Variants in SAMD11 observed in about 807,000 individuals in gnomAD.
The protein encoded by SAMD11 is sterile alpha motif domain containing 11.
In SAMD11, 77 loss-of-function variants were observed where a neutral mutation model predicts 64.4. That is an observed-to-expected ratio of 1.20 (90% CI 0.99 to 1.44). SAMD11 has a LOEUF of 1.44. Among genes scored for constraint, SAMD11 ranks in the 40% most tolerant of loss-of-function variants. SAMD11 has a pLI of 0.00. For missense variants in SAMD11, 1,402 were observed against 943.3 expected (o/e 1.49, Z -6.37); for synonymous variants, 658 against 421.9 (o/e 1.56, Z -6.86).
At chr1:928,623 G>C (rs1489561576) in intron 2 of SAMD11, among the ~76,000 whole-genome samples, 2 of 152,236 alleles carry the variant, frequency 1.3e-5, no homozygotes, top group Admixed American at 1.3e-4. Context: ...TGGTGTTGGG[G>C]GCAGCCCAGG....
At position 943,894 on chromosome 1, in the gene SAMD11, C is replaced by T. The variant is rs371911983; in HGVS notation, c.2290-14C>T. The T allele has an allele frequency of 2.2e-5, 35 of 1,612,854 alleles. No individual in the cohort carries two copies. The highest frequency in any genetic ancestry group is 1.2e-4 in the South Asian group (11 of 91,088). ...TGGGTGTGCGACAGCCCCCACCAGG[C>T]CATCTCTCTGCAGGTGGCCAGGCGC... On this transcript the variant is annotated splice_polypyrimidine_tract_variant and intron_variant, in intron 13 of 13. Transcript: ENST00000616016.
intron 2 of SAMD11, among the ~76,000 whole-genome samples, chr1:928,877 G>A (rs889113783): frequency 4.6e-5 from 7 of 152,230 alleles, no homozygotes; most frequent in Non-Finnish European, 8.8e-5. Flanking sequence ...ATTTGAAGGT[G>A]ATGGTGGTTC....
intron 1 of SAMD11, 150 bp from the exon 2 acceptor site, chr1:925,772 C>A: frequency 1.6e-6 from 1 of 629,202 alleles, no homozygotes; most frequent in Non-Finnish European, 2.9e-6. Context: ...GAGGGTGGGA[C>A]GGGAAGCGGG....
chr1:928,514 C>A (rs1346603259), intron 2 of SAMD11, among the ~76,000 whole-genome samples: 1 of 152,270 alleles, frequency 6.6e-6, no homozygotes, highest in Non-Finnish European at 1.5e-5. Context: ...TCCGGACAGG[C>A]TGTGGCTGTT....
Position 936,001 on chromosome 1 carries a change from G to C in SAMD11, c.967+105G>C. On this transcript the variant is annotated intron_variant, in intron 5 of 13. Transcript: ENST00000616016. The stretch of plus-strand genomic sequence containing the variant: ...GCCTTGGCAGGCAGCCAGAGAGGCA[G>C]GAGGAGCGGCCTGTCCCCCAGGGGC... 4.8e-6 allele frequency: 6 copies of C among 1,251,616 alleles called. No homozygotes were observed. In the Admixed American group the frequency reaches 1.3e-4, roughly 27 times the overall value. The allele number at this position is 1,251,616 out of a possible 1,614,324, so 77.5% of individuals were successfully genotyped here. A position where few individuals can be genotyped will look rare whatever the true frequency, so the allele number is the denominator to read the frequency against.
Position 944,193 on chromosome 1 carries a change from G to A in SAMD11, c.*40G>A, listed in dbSNP as rs757093587. On this transcript the variant is annotated 3_prime_UTR_variant, in exon 14 of 14. Transcript: ENST00000616016. ...GGGGTGGGGCCACACAAATCTCCAG[G>A]AGCCACCACTCAACACAATGGCCCT... 1.3e-6 allele frequency: 2 copies of A among 1,507,358 alleles called. No homozygotes were observed. The highest frequency in any genetic ancestry group is 2.3e-5 in the East Asian group (1 of 43,516). 93.4% of individuals were successfully genotyped at this position (1,507,358 alleles called of 1,614,324 possible). A position where few individuals can be genotyped will look rare whatever the true frequency, so the allele number is the denominator to read the frequency against.
intron 4 of SAMD11, 84 bp from the exon 5 acceptor site, chr1:935,688 A>G: frequency 6.4e-7 from 1 of 1,566,926 alleles, no homozygotes; most frequent in Non-Finnish European, 8.7e-7. Flanking sequence ...GCTCACACAC[A>G]GAGCTAGGCA....
At chr1:925,364 C>A (rs1299755263) in intron 1 of SAMD11, among the ~76,000 whole-genome samples, 1 of 148,936 alleles carries the variant, frequency 6.7e-6, no homozygotes, top group Non-Finnish European at 1.5e-5. Flanking sequence ...GGCGCGGGGG[C>A]GCGCGCGGAG....
In SAMD11 at chr1:930,355, G is replaced by A; in HGVS notation, c.791+19G>A. 6.3e-7 allele frequency: 1 copy of A among 1,586,510 alleles called. No individual in the cohort carries two copies. Among genetic ancestry groups the A allele is most frequent in the Admixed American group, 1.8e-5 (1 of 56,366 alleles). On this transcript the variant is annotated intron_variant, in intron 3 of 13. Coordinates refer to ENST00000616016, the MANE Select transcript of SAMD11 (RefSeq NM_001385641.1). ...AGAGAAGGTACTTGGACCAGGGCCG[G>A]ACAGGAAGGCGCAAGGCTCAGATGG...
intron 5 of SAMD11, 110 bp downstream of exon 5, chr1:936,006 AGCG>A (rs1641415219): frequency 8.5e-7 from 1 of 1,181,590 alleles, no homozygotes; most frequent in Admixed American, 2.2e-5. Flanking sequence ...AGGCAGGAGG[AGCG>A]GCCTGTCCCC....
intron 2 of SAMD11, among the ~76,000 whole-genome samples, chr1:929,392 G>A (rs1641062353): frequency 1.3e-5 from 2 of 152,210 alleles, no homozygotes; most frequent in African/African-American, 4.8e-5. Context: ...CTGGGCTGGT[G>A]AGGGCTCCTC....
chr1:938,082 G>T (rs116804576), intron 5 of SAMD11, among the ~76,000 whole-genome samples: 2,686 of 152,102 alleles, frequency 0.018, 81 homozygotes, highest in African/African-American at 0.062. Context: ...GGAGGCACTG[G>T]CTGGCCTGGG....
rs1425927626 is a variant in SAMD11, at chr1:924,372, CG to C, written c.-57del. ...CGGCCCCCGCGACCCAACTCCAGCC[CG>C]GGCCGGAATAAGTTGCTGCCGCCGG... On this transcript the variant is annotated 5_prime_UTR_variant, in exon 1 of 14. Coordinates refer to ENST00000616016, the MANE Select transcript of SAMD11 (RefSeq NM_001385641.1). The C allele has an allele frequency of 1.3e-5, 2 of 149,444 alleles. No individual in the cohort carries two copies. Among genetic ancestry groups the C allele is most frequent in the East Asian group, 1.9e-4 (1 of 5,164 alleles). The allele number at this position is 149,444 out of a possible 1,614,324, so 9.3% of individuals were successfully genotyped here.
In SAMD11 at chr1:941,325, TTC is replaced by T. The variant is rs747066446; in HGVS notation, c.1358+23_1358+24del. 1 of 1,531,476 alleles carries T rather than the reference TTC, an allele frequency of 6.5e-7. No individual in the cohort carries two copies. Among genetic ancestry groups the T allele is most frequent in the African/African-American group, 1.4e-5 (1 of 72,566 alleles). 94.9% of individuals were successfully genotyped at this position (1,531,476 alleles called of 1,614,324 possible). On this transcript the variant is annotated intron_variant, in intron 8 of 13. Coordinates refer to ENST00000616016, the MANE Select transcript of SAMD11 (RefSeq NM_001385641.1). ...CGGAGAGGTACTGGGGTGGCTGCCG[TTC>T]TCTGCTTGTTTCTGGGGTGCCGCCC...
At chr1:941,468 T>C (rs112692889) in intron 8 of SAMD11, among the ~76,000 whole-genome samples, 162 bp downstream of exon 8, 80 of 151,178 alleles carry the variant, frequency 5.3e-4, no homozygotes, top group African/African-American at 1.8e-3. Context: ...TGGGCTGCAG[T>C]GTTGAGGGCG....
chr1:935,479 T>G (rs1641383157), intron 4 of SAMD11, among the ~76,000 whole-genome samples: 1 of 152,056 alleles, frequency 6.6e-6, no homozygotes, highest in East Asian at 1.9e-4. Context: ...TAACTGTGAT[T>G]CCCTGTGGAG....
intron 12 of SAMD11, 109 bp from the exon 13 acceptor site, chr1:943,589 C>T (rs546152952): frequency 4.5e-6 from 5 of 1,117,856 alleles, no homozygotes; most frequent in East Asian, 2.8e-5. Context: ...CAACAGATCA[C>T]TGTTTTTAAA....
In SAMD11 at chr1:923,980, A is replaced by G. The variant is rs1188461129; in HGVS notation, c.-452A>G. 1.3e-5 allele frequency: 2 copies of G among 150,144 alleles called. No homozygotes were observed. The highest frequency in any genetic ancestry group is 3.0e-5 in the Non-Finnish European group (2 of 67,296). 9.3% of individuals were successfully genotyped at this position (150,144 alleles called of 1,614,324 possible). On this transcript the variant is annotated 5_prime_UTR_variant, in exon 1 of 14. Coordinates refer to ENST00000616016, the MANE Select transcript of SAMD11 (RefSeq NM_001385641.1). ...GGCGCGCGCCAGTGGACGCGGGTGC[A>G]CGACTGACGCGGCCCGGGCGGCGGG... is the stretch of plus-strand genomic sequence containing the variant.
chr1:928,664 G>C (rs1641024586), intron 2 of SAMD11, among the ~76,000 whole-genome samples: 2 of 152,260 alleles, frequency 1.3e-5, no homozygotes, highest in Admixed American at 1.3e-4. Flanking sequence ...TCGGACCCCA[G>C]GCCCCACCCC....
Sources: allele counts gnomAD v4.1 joint callset (sites outside exome capture counted in the v4.1 genomes callset), GRCh38; gene constraint gnomAD v4.1.1; transcripts MANE v1.5; gene names NCBI Gene and HGNC (gene_info 2026-07-23, HGNC 2026-07-21).